Variants in TECRL observed in about 807,000 individuals in gnomAD.
TECRL encodes the protein trans-2,3-enoyl-CoA reductase-like.
A neutral mutation model predicts 52.8 loss-of-function variants in TECRL; 63 were observed. The observed-to-expected ratio is 1.19, with a 90% CI of 0.97 to 1.47. The LOEUF (loss-of-function observed/expected upper bound fraction) is 1.47. Ranked by LOEUF, TECRL falls within the 40% of genes most tolerant of loss-of-function variation. The pLI is 0.00. For missense variants in TECRL, 482 were observed against 429.6 expected (o/e 1.12, Z -1.08); for synonymous variants, 164 against 141.9 (o/e 1.16, Z -1.10).
At position 64,328,236 on chromosome 4, in the gene TECRL, C is replaced by CA. The variant is rs1325691770; in HGVS notation, c.331+275dup. ...TGGAGCAGTAGAATGAGAAGGTGAC[C>CA]AGTTAAAGCTTCACAGACGACCAGT... On this transcript the variant is annotated intron_variant, in intron 3 of 11. Coordinates refer to ENST00000381210, the MANE Select transcript of TECRL (RefSeq NM_001010874.5). Among the ~76,000 whole-genome samples, 6 of 151,470 alleles carry CA rather than the reference C, an allele frequency of 4.0e-5. 1 individual carries two copies. In the South Asian group the frequency reaches 8.3e-4, roughly 21 times the overall value.
chr4:64,383,447 T>C (rs578238925), intron 1 of TECRL, among the ~76,000 whole-genome samples: 2 of 152,060 alleles, frequency 1.3e-5, no homozygotes, highest in African/African-American at 4.8e-5. Context: ...CTCTTCATTC[T>C]TCTTTATTCT....
intron 6 of TECRL, among the ~76,000 whole-genome samples, chr4:64,309,404 T>C (rs1045070739): frequency 1.3e-5 from 2 of 152,188 alleles, no homozygotes; most frequent in African/African-American, 4.8e-5. Context: ...GCTTTCACAA[T>C]TTCTAGAAGA....
At chr4:64,304,051 T>C (rs1238446981) in intron 7 of TECRL, among the ~76,000 whole-genome samples, 2 of 151,470 alleles carry the variant, frequency 1.3e-5, no homozygotes, top group African/African-American at 2.4e-5. Flanking sequence ...TTTACAGTTA[T>C]TAACAAATAG....
At chr4:64,406,806 A>G (rs1724758475) in intron 1 of TECRL, among the ~76,000 whole-genome samples, 1 of 152,026 alleles carries the variant, frequency 6.6e-6, no homozygotes, top group African/African-American at 2.4e-5. Context: ...ACTTTACAGC[A>G]TAGTAAGTAT....
chr4:64,285,062 A>C (rs1164867194), intron 9 of TECRL, among the ~76,000 whole-genome samples: 1 of 152,146 alleles, frequency 6.6e-6, no homozygotes. Context: ...GGGTTCACAA[A>C]GGTAATTTAT....
chr4:64,393,857 C>G (rs577374831), intron 1 of TECRL, among the ~76,000 whole-genome samples: 2 of 151,956 alleles, frequency 1.3e-5, no homozygotes, highest in East Asian at 3.9e-4. Flanking sequence ...AAGAATCCAT[C>G]ATGCATATTA....
At chr4:64,361,116 C>T (rs73230453) in intron 2 of TECRL, among the ~76,000 whole-genome samples, 3,134 of 152,122 alleles carry the variant, frequency 0.021, 109 homozygotes, top group African/African-American at 0.071. Context: ...ATGACTGCAC[C>T]CACTTGCAGC....
At chr4:64,298,305 C>G (rs1333535406) in intron 8 of TECRL, among the ~76,000 whole-genome samples, 2 of 151,032 alleles carry the variant, frequency 1.3e-5, no homozygotes, top group African/African-American at 4.8e-5. Flanking sequence ...AATTTAGCAT[C>G]TTTGGGTTTA....
intron 8 of TECRL, 109 bp from the exon 9 acceptor site, chr4:64,289,876 C>T (rs1723284352): frequency 1.7e-6 from 1 of 603,748 alleles, no homozygotes; most frequent in Non-Finnish European, 2.6e-6. Context: ...CCCAAAGATT[C>T]AAAAGATATA....
intron 3 of TECRL, among the ~76,000 whole-genome samples, chr4:64,323,542 AT>A (rs1718049712): frequency 6.6e-6 from 1 of 152,172 alleles, no homozygotes; most frequent in South Asian, 2.1e-4. Context: ...GAATGGTGTA[AT>A]TTATCTTTTT....
At chr4:64,281,625 T>C (rs1722834438) in intron 9 of TECRL, 66 bp from the exon 10 acceptor site, 1 of 800,308 alleles carries the variant, frequency 1.2e-6, no homozygotes, top group African/African-American at 1.8e-5. Context: ...ATGCTTATTA[T>C]ATAATACTAA....
At chr4:64,313,718 T>A (rs1717244925) in intron 5 of TECRL, among the ~76,000 whole-genome samples, 2 of 150,656 alleles carry the variant, frequency 1.3e-5, no homozygotes, top group Admixed American at 1.3e-4. Context: ...CCTGACCTTG[T>A]GATCCACCCG....
chr4:64,306,032 T>A (rs1322819389), intron 6 of TECRL, among the ~76,000 whole-genome samples: 1 of 152,146 alleles, frequency 6.6e-6, no homozygotes, highest in Non-Finnish European at 1.5e-5. Flanking sequence ...AACTAAGGAA[T>A]AAGGAGACTG....
chr4:64,398,279 G>C (rs1395784060), intron 1 of TECRL, among the ~76,000 whole-genome samples: 1 of 152,094 alleles, frequency 6.6e-6, no homozygotes, highest in Non-Finnish European at 1.5e-5. Context: ...AAATAATATA[G>C]TTTGGATGTT....
intron 1 of TECRL, 125 bp downstream of exon 1, chr4:64,408,993 T>C: frequency 1.2e-6 from 1 of 859,568 alleles, no homozygotes; most frequent in Non-Finnish European, 1.7e-6. Flanking sequence ...ACCACAAAAT[T>C]AAGGTAAAAG....
Position 64,343,040 on chromosome 4 carries a change from A to T in TECRL, c.287-14484T>A, listed in dbSNP as rs376888697. On this transcript the variant is annotated intron_variant, in intron 2 of 11. Coordinates refer to ENST00000381210, the MANE Select transcript of TECRL (RefSeq NM_001010874.5). Reference sequence around the variant, plus strand: ...AAAAAATAATAGTACAGTTAAAATTATGTTTCTAATAAAAAATTCAACAGA... The same window carrying T: ...AAAAAATAATAGTACAGTTAAAATTTTGTTTCTAATAAAAAATTCAACAGA... Among the ~76,000 whole-genome samples, 58 of 152,206 alleles carry T rather than the reference A, an allele frequency of 3.8e-4. No homozygotes were observed. The East Asian group carries it at 9.8e-3, about 26-fold the overall frequency.
intron 2 of TECRL, among the ~76,000 whole-genome samples, chr4:64,346,854 T>C (rs895328884): frequency 1.3e-5 from 2 of 152,252 alleles, no homozygotes; most frequent in Non-Finnish European, 2.9e-5. Context: ...TTTTTTCATA[T>C]GTTTGCTTTT....
intron 2 of TECRL, among the ~76,000 whole-genome samples, chr4:64,344,949 A>G (rs980239165): frequency 6.6e-6 from 1 of 152,244 alleles, no homozygotes; most frequent in Non-Finnish European, 1.5e-5. Context: ...AACATTGTCC[A>G]TAAAGAAGTT....
chr4:64,329,033 T>C (rs1198103797), intron 2 of TECRL, among the ~76,000 whole-genome samples: 1 of 151,950 alleles, frequency 6.6e-6, no homozygotes, highest in African/African-American at 2.4e-5. Context: ...TCATTGACTT[T>C]TAATATTATG....
Sources: gnomAD v4.1 joint callset for allele counts (sites outside exome capture counted in the v4.1 genomes callset) on GRCh38, gnomAD v4.1.1 for gene constraint, MANE v1.5 for transcripts, NCBI Gene and HGNC (gene_info 2026-07-23, HGNC 2026-07-21) for gene names.